EPHA3: variants seen among roughly 807,000 people sequenced by gnomAD.
The protein encoded by EPHA3 is EPH receptor A3.
In EPHA3, 42 loss-of-function variants were observed where a neutral mutation model predicts 107.1. That is an observed-to-expected ratio of 0.39 (90% CI 0.31 to 0.51). The LOEUF (loss-of-function observed/expected upper bound fraction) is 0.51. Among genes scored for constraint, EPHA3 ranks in the 20% least tolerant of loss-of-function variants. The pLI, the probability that EPHA3 is intolerant of heterozygous loss-of-function variation, is 0.78. For synonymous variants in EPHA3, 461 were observed against 424.8 expected (o/e 1.09, Z -1.05); for missense variants, 1,183 against 1,211.2 (o/e 0.98, Z 0.35).
At chr3:89,328,072 T>G (rs1350975969) in intron 3 of EPHA3, among the ~76,000 whole-genome samples, 1 of 151,926 alleles carries the variant, frequency 6.6e-6, no homozygotes, top group Non-Finnish European at 1.5e-5. Flanking sequence ...TACTCCAGCC[T>G]GGGTGATAGA....
chr3:89,310,744 C>A (rs988070044), intron 3 of EPHA3, among the ~76,000 whole-genome samples: 6 of 151,574 alleles, frequency 4.0e-5, no homozygotes, highest in Admixed American at 3.3e-4. Context: ...AAGTGAATTC[C>A]CTGATAATTC....
At chr3:89,406,731 C>A (rs764239910) in intron 7 of EPHA3, among the ~76,000 whole-genome samples, 1 of 151,920 alleles carries the variant, frequency 6.6e-6, no homozygotes, top group Non-Finnish European at 1.5e-5. Flanking sequence ...TTTTTGCCAA[C>A]CATTTGTCTA....
At chr3:89,278,085 G>A (rs1479547853) in intron 3 of EPHA3, among the ~76,000 whole-genome samples, 1 of 152,138 alleles carries the variant, frequency 6.6e-6, no homozygotes, top group Non-Finnish European at 1.5e-5. Flanking sequence ...CTAAAAACAT[G>A]TGTAATTCCC....
At chr3:89,442,560 A>G (rs1019930216) in intron 13 of EPHA3, among the ~76,000 whole-genome samples, 3 of 152,192 alleles carry the variant, frequency 2.0e-5, no homozygotes, top group African/African-American at 4.8e-5. Context: ...TAGATATCCT[A>G]CAACGCACAG....
intron 2 of EPHA3, among the ~76,000 whole-genome samples, chr3:89,146,974 G>GGT (rs1321057054): frequency 6.6e-6 from 1 of 151,696 alleles, no homozygotes; most frequent in East Asian, 1.9e-4. Flanking sequence ...AGGAAAATGT[G>GGT]GTATATATAC....
chr3:89,163,846 T>A (rs571450591), intron 2 of EPHA3, among the ~76,000 whole-genome samples: 1 of 152,244 alleles, frequency 6.6e-6, no homozygotes, highest in South Asian at 2.1e-4. Context: ...CAAAAACCCA[T>A]TCTAAAGTGA....
intron 3 of EPHA3, among the ~76,000 whole-genome samples, chr3:89,290,614 A>G (rs1559634455): frequency 6.6e-6 from 1 of 152,180 alleles, no homozygotes; most frequent in Non-Finnish European, 1.5e-5. Context: ...GGTTAACAGT[A>G]AAACTGTATC....
chr3:89,345,490 A>G (rs1437880837), intron 5 of EPHA3, among the ~76,000 whole-genome samples: 1 of 151,008 alleles, frequency 6.6e-6, no homozygotes, highest in Non-Finnish European at 1.5e-5. Flanking sequence ...TTAATAATTT[A>G]TTCCACGTGC....
At chr3:89,159,356 C>T (rs1308520993) in intron 2 of EPHA3, among the ~76,000 whole-genome samples, 1 of 152,038 alleles carries the variant, frequency 6.6e-6, no homozygotes, top group Non-Finnish European at 1.5e-5. Context: ...GTATTACTAA[C>T]CCAGCTCAGA....
intron 3 of EPHA3, among the ~76,000 whole-genome samples, chr3:89,286,939 G>A (rs1706100566): frequency 1.3e-5 from 2 of 152,048 alleles, no homozygotes; most frequent in Admixed American, 1.3e-4. Flanking sequence ...ATTTCTACCT[G>A]AAAATACCTT....
At chr3:89,117,709 A>G (rs755288223) in intron 1 of EPHA3, among the ~76,000 whole-genome samples, 2 of 152,082 alleles carry the variant, frequency 1.3e-5, no homozygotes, top group Non-Finnish European at 2.9e-5. Context: ...ATTATGGCAT[A>G]ATTTTTTTTT....
rs972067705 is a variant in EPHA3, at chr3:89,315,757, G to A, written c.815-25159G>A. The stretch of plus-strand genomic sequence containing the variant: ...AAAAAGCAACAATGCTAAAATTATA[G>A]GTGCCAGTAAGTCTAATTGTGATAG... On this transcript the variant is annotated intron_variant, in intron 3 of 16. Transcript: ENST00000336596. Among the ~76,000 whole-genome samples the A allele has an allele frequency of 3.2e-4, 48 of 151,814 alleles. 1 individual carries two copies. The highest frequency in any genetic ancestry group is 8.8e-5 in the Non-Finnish European group (6 of 67,890).
At chr3:89,197,643 G>A (rs989591583) in intron 2 of EPHA3, among the ~76,000 whole-genome samples, 5 of 152,022 alleles carry the variant, frequency 3.3e-5, no homozygotes, top group Non-Finnish European at 7.4e-5. Context: ...AGTTTAGAAG[G>A]GCAAATTTAT....
chr3:89,210,549 C>G, intron 3 of EPHA3, 29 bp downstream of exon 3: 1 of 1,514,078 alleles, frequency 6.6e-7, no homozygotes. Flanking sequence ...TTTCTTTGAG[C>G]AATATTTCTC....
rs1473779792 is a variant in EPHA3 at position 89,370,025 on chromosome 3, G to A, written c.1307-25812G>A. Reference sequence around the variant, plus strand: ...GGAAACAGCAGGTGCTGGAGAGGATGTGGAGAAATAGGAACACTTTTACAA... The same window carrying A: ...GGAAACAGCAGGTGCTGGAGAGGATATGGAGAAATAGGAACACTTTTACAA... On this transcript the variant is annotated intron_variant, in intron 5 of 16. Transcript: ENST00000336596. Among the ~76,000 whole-genome samples, 16 of 150,736 alleles carry A rather than the reference G, an allele frequency of 1.1e-4. 1 individual carries two copies. The highest frequency in any genetic ancestry group is 4.0e-4 in the Admixed American group (6 of 15,102).
At chr3:89,342,858 T>TATACAC (rs1553683955) in intron 5 of EPHA3, among the ~76,000 whole-genome samples, 1 of 139,218 alleles carries the variant, frequency 7.2e-6, no homozygotes, top group African/African-American at 2.6e-5. Context: ...TTTTTACACA[T>TATACAC]ACACACACAC....
intron 15 of EPHA3, among the ~76,000 whole-genome samples, chr3:89,451,042 C>T (rs1304645106): frequency 6.6e-6 from 1 of 152,082 alleles, no homozygotes; most frequent in African/African-American, 2.4e-5. Context: ...CAAATTTTCC[C>T]CAGTTAATTA....
intron 3 of EPHA3, among the ~76,000 whole-genome samples, chr3:89,338,290 A>T (rs1427523443): frequency 6.6e-6 from 1 of 152,110 alleles, no homozygotes; most frequent in Non-Finnish European, 1.5e-5. Flanking sequence ...TTTCATGTTG[A>T]TTTATTTGTA....
intron 5 of EPHA3, among the ~76,000 whole-genome samples, chr3:89,392,765 A>G (rs981466184): frequency 2.0e-5 from 3 of 152,162 alleles, no homozygotes; most frequent in Non-Finnish European, 4.4e-5. Flanking sequence ...CAAATTAGTA[A>G]TTTGAACAAA....
Sources: allele counts gnomAD v4.1 joint callset (sites outside exome capture counted in the v4.1 genomes callset), GRCh38; gene constraint gnomAD v4.1.1; transcripts MANE v1.5; gene names NCBI Gene and HGNC (gene_info 2026-07-23, HGNC 2026-07-21).